Variants in LGSN observed in about 807,000 individuals in gnomAD.
The protein encoded by LGSN is lengsin.
LGSN carries 21 observed loss-of-function variants against 19.5 expected under a neutral mutation model. That is an observed-to-expected ratio of 1.07 (90% CI 0.76 to 1.55). LGSN has a LOEUF of 1.55. Ranked by LOEUF, LGSN falls within the 40% of genes most tolerant of loss-of-function variation. The pLI is 0.00. For missense variants in LGSN, 673 were observed against 608.5 expected (o/e 1.11, Z -1.12); for synonymous variants, 257 against 215.6 (o/e 1.19, Z -1.68).
At chr6:63,354,688 A>G in the LGSN span, among the ~76,000 whole-genome samples, 2 of 152,178 alleles carry the variant, frequency 1.3e-5, no homozygotes, top group Non-Finnish European at 1.5e-5. Flanking sequence ...CTGCGCTCAC[A>G]TATTTATTCC....
chr6:63,448,491 C>T, the LGSN span, among the ~76,000 whole-genome samples: 17 of 152,006 alleles, frequency 1.1e-4, no homozygotes, highest in Non-Finnish European at 2.1e-4. Flanking sequence ...CAAGCTATCA[C>T]GGAGGGTGTC....
the LGSN span, among the ~76,000 whole-genome samples, chr6:63,514,649 A>G: frequency 6.6e-6 from 1 of 151,878 alleles, no homozygotes; most frequent in African/African-American, 2.4e-5. Context: ...GTCATTAACC[A>G]CTCTATGTCC....
chr6:63,282,435 G>C (rs180982562), intron 3 of LGSN, among the ~76,000 whole-genome samples: 49 of 152,146 alleles, frequency 3.2e-4, no homozygotes, highest in African/African-American at 1.2e-3. Context: ...CGAGATAAAG[G>C]CAACAGCAGA....
At chr6:63,557,184 C>A in the LGSN span, among the ~76,000 whole-genome samples, 1 of 152,146 alleles carries the variant, frequency 6.6e-6, no homozygotes, top group Non-Finnish European at 1.5e-5. Flanking sequence ...GGGATGAATG[C>A]TGCAATAGAG....
chr6:63,362,977 G>T, the LGSN span, among the ~76,000 whole-genome samples: 2 of 152,156 alleles, frequency 1.3e-5, no homozygotes, highest in Non-Finnish European at 2.9e-5. Context: ...ATAAAGCCAG[G>T]TGCCCCTCTG....
At chr6:63,401,154 A>G in the LGSN span, among the ~76,000 whole-genome samples, 1 of 152,024 alleles carries the variant, frequency 6.6e-6, no homozygotes, top group Non-Finnish European at 1.5e-5. Context: ...TCCAATTATT[A>G]AGACTTAGTT....
chr6:63,489,158 T>TA, the LGSN span, among the ~76,000 whole-genome samples: 1 of 152,350 alleles, frequency 6.6e-6, no homozygotes, highest in African/African-American at 2.4e-5. Context: ...AAATGGGCCG[T>TA]AAAAATCATA....
At chr6:63,550,191 A>G in the LGSN span, 4 of 152,306 alleles carry the variant, frequency 2.6e-5, no homozygotes, top group South Asian at 6.2e-4. Context: ...TTTTTAATCT[A>G]CATAATAGAT....
chr6:63,490,713 A>G, the LGSN span, among the ~76,000 whole-genome samples: 44 of 152,242 alleles, frequency 2.9e-4, no homozygotes, highest in South Asian at 3.7e-3. Flanking sequence ...AGCTGGGATT[A>G]CAGGCATGTG....
chr6:63,340,283 T>A, the LGSN span, among the ~76,000 whole-genome samples: 1 of 152,128 alleles, frequency 6.6e-6, no homozygotes, highest in African/African-American at 2.4e-5. Flanking sequence ...ATCTTTGAGC[T>A]TCCTGTATCT....
At chr6:63,284,058 CT>C (rs1345435040) in intron 3 of LGSN, among the ~76,000 whole-genome samples, 2 of 152,090 alleles carry the variant, frequency 1.3e-5, no homozygotes, top group African/African-American at 4.8e-5. Flanking sequence ...ATTATTTTCT[CT>C]TAAATTACAA....
chr6:63,535,668 T>A, the LGSN span, among the ~76,000 whole-genome samples: 6 of 152,184 alleles, frequency 3.9e-5, no homozygotes, highest in Non-Finnish European at 7.4e-5. Context: ...TAGAGCAACA[T>A]CATAAACACA....
chr6:63,308,301 G>A (rs1054195206), intron 1 of LGSN, among the ~76,000 whole-genome samples: 3 of 151,986 alleles, frequency 2.0e-5, no homozygotes, highest in African/African-American at 7.2e-5. Flanking sequence ...CATAAAAAAT[G>A]TTTCCTCTTA....
At chr6:63,551,353 A>C in the LGSN span, among the ~76,000 whole-genome samples, 8 of 152,354 alleles carry the variant, frequency 5.3e-5, no homozygotes, top group East Asian at 1.5e-3. Context: ...GGCATGAGCC[A>C]CTGCACCCAG....
chr6:63,361,159 G>C, the LGSN span, among the ~76,000 whole-genome samples: 1 of 152,344 alleles, frequency 6.6e-6, no homozygotes, highest in East Asian at 1.9e-4. Context: ...TGCATGCTGG[G>C]AGAACCACTA....
At chr6:63,400,720 G>A in the LGSN span, among the ~76,000 whole-genome samples, 5 of 152,198 alleles carry the variant, frequency 3.3e-5, no homozygotes, top group Non-Finnish European at 5.9e-5. Context: ...TCGGCCGGGC[G>A]TGGTGGCTTA....
the LGSN span, among the ~76,000 whole-genome samples, chr6:63,438,650 A>G: frequency 6.6e-6 from 1 of 152,180 alleles, no homozygotes; most frequent in Non-Finnish European, 1.5e-5. Flanking sequence ...CAAAACCACA[A>G]TGAGATACCA....
At chr6:63,358,098 C>A in the LGSN span, among the ~76,000 whole-genome samples, 1 of 152,146 alleles carries the variant, frequency 6.6e-6, no homozygotes, top group Non-Finnish European at 1.5e-5. Context: ...GAATCCTTTC[C>A]CCATTGCTTG....
the LGSN span, among the ~76,000 whole-genome samples, chr6:63,486,682 C>CTTTTTT: frequency 6.9e-5 from 8 of 115,848 alleles, no homozygotes; most frequent in African/African-American, 2.0e-4. Context: ...TTATTTTCTT[C>CTTTTTT]TTTTTTTTTT....
Sources: gnomAD v4.1 joint callset for allele counts (sites outside exome capture counted in the v4.1 genomes callset) on GRCh38, gnomAD v4.1.1 for gene constraint, MANE v1.5 for transcripts, NCBI Gene and HGNC (gene_info 2026-07-23, HGNC 2026-07-21) for gene names.